The following TRHR variants were observed in gnomAD, a reference collection of about 807,000 sequenced individuals.
TRHR encodes the protein thyrotropin-releasing hormone receptor.
A neutral mutation model predicts 28.0 loss-of-function variants in TRHR; 14 were observed. The ratio of observed to expected loss-of-function variants is 0.50; its 90% CI spans 0.33 to 0.78. The LOEUF is 0.78. TRHR is among the 30% of genes least tolerant of loss of function. TRHR has a pLI of 0.02. For synonymous variants in TRHR, 176 were observed against 171.9 expected (o/e 1.02, Z -0.18); for missense variants, 438 against 469.5 (o/e 0.93, Z 0.62).
chr8:109,113,687 G>A (rs1230388367), intron 2 of TRHR, among the ~76,000 whole-genome samples: 1 of 152,042 alleles, frequency 6.6e-6, no homozygotes, highest in Non-Finnish European at 1.5e-5. Context: ...GAAGGACTTT[G>A]GTGTGGGGTA....
At chr8:109,091,333 C>T (rs541490227) in intron 2 of TRHR, among the ~76,000 whole-genome samples, 2 of 152,216 alleles carry the variant, frequency 1.3e-5, no homozygotes, top group Non-Finnish European at 2.9e-5. Flanking sequence ...TGTGGTGCCC[C>T]GATCAGTGGG....
chr8:109,095,101 A>G (rs1811569623), intron 2 of TRHR, among the ~76,000 whole-genome samples: 1 of 152,054 alleles, frequency 6.6e-6, no homozygotes, highest in Admixed American at 6.6e-5. Context: ...TTCTTATTCA[A>G]TATGTCCCCT....
At chr8:109,099,673 T>C (rs1455937978) in intron 2 of TRHR, among the ~76,000 whole-genome samples, 1 of 152,208 alleles carries the variant, frequency 6.6e-6, no homozygotes, top group Non-Finnish European at 1.5e-5. Context: ...GGATGCATAA[T>C]GTGAAACACT....
Position 109,119,398 on chromosome 8 carries a change from A to G in TRHR, c.1140A>G (p.Thr380=). 1 of 1,612,366 alleles carries G rather than the reference A, an allele frequency of 6.2e-7. No individual in the cohort carries two copies. The highest frequency in any genetic ancestry group is 8.5e-7 in the Non-Finnish European group (1 of 1,178,916). The change falls in exon 3 of 3, where the codon ACA becomes ACG. Residue 380 remains threonine, a synonymous_variant. Transcript: ENST00000518632. ...ITVTDTYLSA[T]KVSFDDTCLA... ...TCACTGACACTTACCTGTCTGCCACAAAAGTGTCTTTTGATGACACCTGCT... is the reference window on the plus strand; with the variant it reads ...TCACTGACACTTACCTGTCTGCCACGAAAGTGTCTTTTGATGACACCTGCT...
chr8:109,091,417 T>C (rs533416175), intron 2 of TRHR, among the ~76,000 whole-genome samples: 1 of 152,302 alleles, frequency 6.6e-6, no homozygotes, highest in East Asian at 1.9e-4. Flanking sequence ...AAAATAGTTA[T>C]TTTCTTAAAC....
chr8:109,121,134 C>T lies in TRHR; in HGVS notation c.*1679C>T, dbSNP rs1187425360. 6.6e-6 allele frequency among the ~76,000 whole-genome samples: 1 copy of T among 150,422 alleles called. No individual in the cohort carries two copies. Among genetic ancestry groups the T allele is most frequent in the East Asian group, 2.0e-4 (1 of 5,114 alleles). On this transcript the variant is annotated 3_prime_UTR_variant, in exon 3 of 3. Transcript: ENST00000518632. ...TCTACTCCAGCAAGACATTTTTATC[C>T]TGTTACTATAACAGTAAATGAATGC...
In TRHR at chr8:109,121,082, CTT is replaced by C. The variant is rs397691686; in HGVS notation, c.*1638_*1639del. ...ATCCAGAACCTCATTCTAGAGTGCGCTTTTTTTTTTTTGAAAATTGGCCTTAT... is the reference window on the plus strand; with the variant it reads ...ATCCAGAACCTCATTCTAGAGTGCGCTTTTTTTTTTGAAAATTGGCCTTAT... On this transcript the variant is annotated 3_prime_UTR_variant, in exon 3 of 3. Coordinates refer to ENST00000518632, the MANE Select transcript of TRHR (RefSeq NM_003301.7). Among the ~76,000 whole-genome samples the C allele has an allele frequency of 2.4e-4, 34 of 144,330 alleles. 1 individual carries two copies. The highest frequency in any genetic ancestry group is 2.2e-3 in the Admixed American group (32 of 14,488). 94.7% of individuals were successfully genotyped at this position (144,330 alleles called of 152,430 possible).
chr8:109,096,751 T>C (rs943671676), intron 2 of TRHR, among the ~76,000 whole-genome samples: 4 of 152,144 alleles, frequency 2.6e-5, no homozygotes, highest in African/African-American at 9.7e-5. Flanking sequence ...ATCAGCACAC[T>C]TTTGTGTTTG....
At chr8:109,098,637 C>T (rs1372452937) in intron 2 of TRHR, among the ~76,000 whole-genome samples, 2 of 152,194 alleles carry the variant, frequency 1.3e-5, no homozygotes, top group African/African-American at 2.4e-5. Context: ...TTCCCAAACT[C>T]ATCTGCCCTC....
In TRHR at chr8:109,119,420, T is replaced by A; in HGVS notation, c.1162T>A (p.Cys388Ser). ...CACAAAAGTGTCTTTTGATGACACC[T>A]GCTTGGCTTCTGAGGTATCCTTTAG... is the stretch of plus-strand genomic sequence containing the variant. ...SATKVSFDDT[C>S]LASEVSFSQS The change falls in exon 3 of 3, where the codon TGC (cysteine) becomes AGC (serine). Residue 388 changes from cysteine (C) to serine (S), a missense_variant. Cys to Ser is a moderately radical substitution (Grantham distance 112). Transcript: ENST00000518632. 6.2e-7 allele frequency: 1 copy of A among 1,612,324 alleles called. No homozygotes were observed. Among genetic ancestry groups the A allele is most frequent in the Non-Finnish European group, 8.5e-7 (1 of 1,178,904 alleles).
chr8:109,115,377 T>A (rs1213294546), intron 2 of TRHR, among the ~76,000 whole-genome samples: 2 of 152,284 alleles, frequency 1.3e-5, no homozygotes, highest in East Asian at 3.9e-4. Flanking sequence ...GGGGATGGCA[T>A]TGAAGCTATA....
At chr8:109,101,073 CA>C (rs1262253603) in intron 2 of TRHR, among the ~76,000 whole-genome samples, 1 of 152,116 alleles carries the variant, frequency 6.6e-6, no homozygotes, top group East Asian at 1.9e-4. Context: ...TGGGAGATTA[CA>C]AGGCAAAGAG....
intron 2 of TRHR, among the ~76,000 whole-genome samples, chr8:109,094,800 G>T (rs1189274283): frequency 6.6e-6 from 1 of 151,630 alleles, no homozygotes; most frequent in African/African-American, 2.4e-5. Context: ...TATTCCATAT[G>T]CCTACAAAAA....
chr8:109,120,949 T>C lies in TRHR; in HGVS notation c.*1494T>C, dbSNP rs1811999500. On this transcript the variant is annotated 3_prime_UTR_variant, in exon 3 of 3. Transcript: ENST00000518632. The stretch of plus-strand genomic sequence containing the variant: ...GCCTATATCCCTATTTTATGGACTT[T>C]TCTAGAACCTAATCGCTAATGATAA... 6.6e-6 allele frequency among the ~76,000 whole-genome samples: 1 copy of C among 151,650 alleles called. No homozygotes were observed. The highest frequency in any genetic ancestry group is 6.6e-5 in the Admixed American group (1 of 15,188).
intron 2 of TRHR, among the ~76,000 whole-genome samples, chr8:109,115,734 C>CAA (rs964407299): frequency 6.6e-6 from 1 of 152,128 alleles, no homozygotes; most frequent in African/African-American, 2.4e-5. Flanking sequence ...TCTAAATATA[C>CAA]AATCATGTCA....
intron 2 of TRHR, among the ~76,000 whole-genome samples, chr8:109,093,608 G>A (rs373857850): frequency 1.3e-5 from 2 of 151,580 alleles, no homozygotes; most frequent in African/African-American, 2.4e-5. Flanking sequence ...GTTTCACCAC[G>A]TTGGCCAGGA....
At chr8:109,118,111 G>A (rs1030585958) in intron 2 of TRHR, among the ~76,000 whole-genome samples, 10 of 151,878 alleles carry the variant, frequency 6.6e-5, no homozygotes, top group Non-Finnish European at 1.2e-4. Context: ...CTGAAAGAGT[G>A]CAAAAGCTTT....
Position 109,119,525 on chromosome 8 carries a change from C to A in TRHR, c.*70C>A, listed in dbSNP as rs1161174350. ...GTGCAGTCATCAACAAAAGGGAGAA[C>A]ATGGCCAATAGTCATATGTGAAGAC... On this transcript the variant is annotated 3_prime_UTR_variant, in exon 3 of 3. Coordinates refer to ENST00000518632, the MANE Select transcript of TRHR (RefSeq NM_003301.7). 3 of 1,556,414 alleles carry A rather than the reference C, an allele frequency of 1.9e-6. No individual in the cohort carries two copies. The highest frequency in any genetic ancestry group is 2.6e-6 in the Non-Finnish European group (3 of 1,140,758).
rs1212929805 is a variant in TRHR at position 109,120,670 on chromosome 8, T to C, written c.*1215T>C. 1.3e-5 allele frequency among the ~76,000 whole-genome samples: 2 copies of C among 151,858 alleles called. No homozygotes were observed. The highest frequency in any genetic ancestry group is 2.9e-5 in the Non-Finnish European group (2 of 67,860). ...CAGAGTTAAAACTGATTTCATCATA[T>C]TATCAGTATGTCATCTTTATATTTA... On this transcript the variant is annotated 3_prime_UTR_variant, in exon 3 of 3. Coordinates refer to ENST00000518632, the MANE Select transcript of TRHR (RefSeq NM_003301.7).
Sources: gnomAD v4.1 joint callset for allele counts (sites outside exome capture counted in the v4.1 genomes callset) on GRCh38, gnomAD v4.1.1 for gene constraint, MANE v1.5 for transcripts, NCBI Gene and HGNC (gene_info 2026-07-23, HGNC 2026-07-21) for gene names.